Variants in HMOX2 observed in about 807,000 individuals in gnomAD.
HMOX2 encodes heme oxygenase (decycling) 2.
In HMOX2, 30 loss-of-function variants were observed where a neutral mutation model predicts 33.7. The observed-to-expected ratio is 0.89, with a 90% confidence interval of 0.67 to 1.21. The LOEUF is 1.21. Ranked by LOEUF, HMOX2 falls within the 50% of genes most tolerant of loss-of-function variation. HMOX2 has a pLI of 0.00. For synonymous variants in HMOX2, 155 were observed against 155.0 expected (o/e 1.00, Z 0.00); for missense variants, 403 against 399.1 (o/e 1.01, Z -0.08).
intron 4 of HMOX2, 38 bp from the exon 5 acceptor site, chr16:4,509,374 A>G: frequency 6.3e-7 from 1 of 1,581,524 alleles, no homozygotes. Context: ...AAGTATGGGC[A>G]GCCCAAAGAT....
Position 4,505,528 on chromosome 16 carries a change from T to G in HMOX2, c.4T>G (p.Ser2Ala). 6.2e-7 allele frequency: 1 copy of G among 1,605,264 alleles called. No homozygotes were observed. The highest frequency in any genetic ancestry group is 8.5e-7 in the Non-Finnish European group (1 of 1,175,370). The change falls in exon 2 of 6, where the codon TCA (serine) becomes GCA (alanine). Residue 2 changes from serine (S) to alanine (A), a missense_variant. Transcript: ENST00000570646. M[S>A]AEVETSEGVD... ...GCAAGAACCACACCCAGCAGCAATG[T>G]CAGCGGAAGTGGAAACCTCAGAGGG... is the stretch of plus-strand genomic sequence containing the variant.
chr16:4,503,619 C>G (rs938740914), intron 1 of HMOX2, among the ~76,000 whole-genome samples: 2 of 152,302 alleles, frequency 1.3e-5, no homozygotes, highest in South Asian at 2.1e-4. Context: ...ACATGGTAGG[C>G]ATTGTGCTAT....
chr16:4,487,357 C>G (rs2058194711), intron 1 of HMOX2, among the ~76,000 whole-genome samples: 2 of 151,990 alleles, frequency 1.3e-5, no homozygotes, highest in African/African-American at 4.8e-5. Context: ...AGTTTGAGAC[C>G]AGCCTGACCT....
intron 1 of HMOX2, among the ~76,000 whole-genome samples, chr16:4,498,471 G>C (rs2058477723): frequency 6.6e-6 from 1 of 151,888 alleles, no homozygotes; most frequent in Non-Finnish European, 1.5e-5. Context: ...AACTCCTGGG[G>C]TCAAAAGATC....
chr16:4,500,499 G>T (rs2058531606), intron 1 of HMOX2, among the ~76,000 whole-genome samples: 1 of 152,150 alleles, frequency 6.6e-6, no homozygotes, highest in South Asian at 2.1e-4. Flanking sequence ...GAGTGAGTCA[G>T]TCTGCTGTTG....
intron 1 of HMOX2, among the ~76,000 whole-genome samples, chr16:4,480,738 C>T (rs2058004717): frequency 6.6e-6 from 1 of 150,556 alleles, no homozygotes; most frequent in African/African-American, 2.4e-5. Context: ...CTGCAACTTC[C>T]ACCTCCCAGG....
At chr16:4,504,424 G>A (rs558626657) in intron 1 of HMOX2, among the ~76,000 whole-genome samples, 5 of 140,886 alleles carry the variant, frequency 3.5e-5, no homozygotes, top group South Asian at 4.4e-4. Context: ...GCAGTGGCGC[G>A]ATCTTGGCTC....
intron 1 of HMOX2, among the ~76,000 whole-genome samples, chr16:4,498,489 C>T (rs1247536281): frequency 6.6e-6 from 1 of 151,938 alleles, no homozygotes; most frequent in African/African-American, 2.4e-5. Flanking sequence ...ATCCTCTTGC[C>T]CCAGTTTCCC....
At chr16:4,501,959 C>T (rs1053246086) in intron 1 of HMOX2, among the ~76,000 whole-genome samples, 10 of 152,148 alleles carry the variant, frequency 6.6e-5, no homozygotes, top group African/African-American at 1.4e-4. Flanking sequence ...ACTTTCAGCC[C>T]GCCTTGAGAA....
chr16:4,496,888 G>A (rs1397980769), intron 1 of HMOX2: 7 of 151,458 alleles, frequency 4.6e-5, no homozygotes, highest in Admixed American at 3.9e-4. Flanking sequence ...AGAGACGGGG[G>A]GTCTCACTAT....
chr16:4,506,886 T>A lies in HMOX2; in HGVS notation c.87-9T>A, dbSNP rs368272506. On this transcript the variant is annotated splice_polypyrimidine_tract_variant and intron_variant, in intron 2 of 5. Coordinates refer to ENST00000570646, the MANE Select transcript of HMOX2 (RefSeq NM_002134.4). ...AATTGACACACAAACACCTCCCATC[T>A]CTCCACAGAATGGCTGACCTCTCGG... 6.2e-7 allele frequency: 1 copy of A among 1,600,648 alleles called. No homozygotes were observed. The highest frequency in any genetic ancestry group is 1.7e-5 in the Admixed American group (1 of 59,962).
chr16:4,493,295 A>T (rs79446453), intron 1 of HMOX2, among the ~76,000 whole-genome samples: 83 of 152,266 alleles, frequency 5.5e-4, no homozygotes, highest in African/African-American at 1.9e-3. Flanking sequence ...GGCTCAAGCA[A>T]TCCTCCTGCC....
At position 4,507,994 on chromosome 16, in the gene HMOX2, G is replaced by A. The variant is rs150602181; in HGVS notation, c.486G>A (p.Ser162=). The change falls in exon 4 of 6, where the codon TCG becomes TCA. Residue 162 remains serine (S), a synonymous_variant. Transcript: ENST00000570646. ...ACACCCGCTACATGGGGGATCTCTC[G>A]GGGGGCCAGGTGCTGAAGAAGGTGG... ...HAYTRYMGDL[S]GGQVLKKVAQ... is the part of the protein sequence containing the mutation. 1.2e-4 allele frequency: 192 copies of A among 1,613,840 alleles called. No homozygotes were observed. The highest frequency in any genetic ancestry group is 1.6e-4 in the Middle Eastern group (1 of 6,082).
rs535991459 is a variant in HMOX2 at position 4,494,151 on chromosome 16, C to T, written c.-41-11333C>T. 3.9e-5 allele frequency among the ~76,000 whole-genome samples: 6 copies of T among 152,074 alleles called. No individual in the cohort carries two copies. The East Asian group carries it at 5.8e-4, about 15-fold the overall frequency. On this transcript the variant is annotated intron_variant, in intron 1 of 5. Coordinates refer to ENST00000570646, the MANE Select transcript of HMOX2 (RefSeq NM_002134.4). ...CTAACACGGTGAAACCCCGTATCTA[C>T]TAAAAATACAAAAAATTAGCGGGGC...
At chr16:4,502,737 G>C (rs2058588610) in intron 1 of HMOX2, 1 of 152,164 alleles carries the variant, frequency 6.6e-6, no homozygotes, top group Non-Finnish European at 1.5e-5. Flanking sequence ...ATTTATTTTT[G>C]AGACAGAGTC....
chr16:4,501,083 C>G (rs371541220), intron 1 of HMOX2, among the ~76,000 whole-genome samples: 10 of 152,064 alleles, frequency 6.6e-5, no homozygotes, highest in African/African-American at 2.2e-4. Flanking sequence ...TAATGCAGTG[C>G]GGGATCTTAG....
At chr16:4,504,483 C>T (rs1057275375) in intron 1 of HMOX2, among the ~76,000 whole-genome samples, 2 of 149,986 alleles carry the variant, frequency 1.3e-5, no homozygotes, top group East Asian at 3.9e-4. Flanking sequence ...GCCTCAGCCT[C>T]CTGAGTAGCT....
intron 1 of HMOX2, among the ~76,000 whole-genome samples, chr16:4,505,063 C>A (rs2058656767): frequency 6.6e-6 from 1 of 152,114 alleles, no homozygotes; most frequent in African/African-American, 2.4e-5. Context: ...TAGGATTTTG[C>A]CTTGTTTGCT....
intron 1 of HMOX2, among the ~76,000 whole-genome samples, chr16:4,477,656 C>T (rs1322470265): frequency 6.6e-6 from 1 of 151,920 alleles, no homozygotes; most frequent in Non-Finnish European, 1.5e-5. Flanking sequence ...CAGTGGCTCA[C>T]TCCTGTAATC....
Sources: allele counts gnomAD v4.1 joint callset (sites outside exome capture counted in the v4.1 genomes callset), GRCh38; gene constraint gnomAD v4.1.1; transcripts MANE v1.5; gene names NCBI Gene and HGNC (gene_info 2026-07-23, HGNC 2026-07-21).